The following KIF5C variants were observed in gnomAD, a reference collection of about 807,000 sequenced individuals.
KIF5C encodes the protein kinesin family member 5C, also known as kinesin heavy chain isoform 5C.
Under a neutral mutation model 125.2 loss-of-function variants are expected in KIF5C, and 18 were observed. That is an observed-to-expected ratio of 0.14 (90% confidence interval 0.10 to 0.21). The LOEUF (loss-of-function observed/expected upper bound fraction) is 0.21, where lower values mean the gene tolerates loss of function less well. Among genes scored for constraint, KIF5C ranks in the 10% least tolerant of loss-of-function variants. KIF5C has a pLI of 1.00. For synonymous variants in KIF5C, 405 were observed against 434.0 expected (o/e 0.93, Z 0.83); for missense variants, 780 against 1,183.8 (o/e 0.66, Z 5.01).
chr2:148,940,338 G>A (rs1244782138), intron 4 of KIF5C, among the ~76,000 whole-genome samples: 2 of 152,204 alleles, frequency 1.3e-5, no homozygotes, highest in Non-Finnish European at 2.9e-5. Context: ...GGACAGGGAA[G>A]TCTGACAGGT....
At chr2:148,961,246 G>A (rs1682917409) in intron 10 of KIF5C, among the ~76,000 whole-genome samples, 2 of 152,114 alleles carry the variant, frequency 1.3e-5, no homozygotes, top group Admixed American at 1.3e-4. Context: ...AAAATAGGAT[G>A]ATCTGAATAC....
intron 15 of KIF5C, among the ~76,000 whole-genome samples, chr2:148,984,320 A>T (rs1266903373): frequency 2.6e-5 from 4 of 152,162 alleles, no homozygotes; most frequent in Non-Finnish European, 4.4e-5. Context: ...CCCACCTCAG[A>T]CCTATTGAAT....
In KIF5C at chr2:148,875,581, C is replaced by CCCCCCA; in HGVS notation, c.-37_-36insCCCCCA. 3 of 803,610 alleles carry CCCCCCA rather than the reference C, an allele frequency of 3.7e-6. No individual in the cohort carries two copies. Among genetic ancestry groups the CCCCCCA allele is most frequent in the South Asian group, 1.5e-5 (1 of 67,330 alleles). 49.8% of individuals were successfully genotyped at this position (803,610 alleles called of 1,614,324 possible). The stretch of plus-strand genomic sequence containing the variant: ...CTCGTCGTTCCCGGCCCCGGCCCCC[C>CCCCCCA]ACCCATCCCCGTGCCCCCTCCCTAC... On this transcript the variant is annotated 5_prime_UTR_variant, in exon 1 of 26. Transcript: ENST00000435030.
chr2:148,969,160 T>C (rs2105141007), intron 11 of KIF5C, among the ~76,000 whole-genome samples: 1 of 152,360 alleles, frequency 6.6e-6, no homozygotes, highest in East Asian at 1.9e-4. Flanking sequence ...AAACCTATTT[T>C]AGAAATTTTA....
intron 3 of KIF5C, among the ~76,000 whole-genome samples, chr2:148,934,265 C>T (rs1682242970): frequency 1.3e-5 from 2 of 151,220 alleles, no homozygotes; most frequent in African/African-American, 2.4e-5. Context: ...TACAAACACA[C>T]CACACACCAC....
At chr2:148,905,858 G>C (rs537680454) in intron 1 of KIF5C, among the ~76,000 whole-genome samples, 8 of 152,280 alleles carry the variant, frequency 5.3e-5, no homozygotes, top group Admixed American at 4.6e-4. Context: ...AAGGTGAAAG[G>C]CATGTCTTAC....
chr2:148,925,717 A>AG (rs1228955706), intron 2 of KIF5C, among the ~76,000 whole-genome samples: 6 of 152,272 alleles, frequency 3.9e-5, no homozygotes, highest in Admixed American at 3.9e-4. Context: ...CTGTTCTGTC[A>AG]GGCCATATGG....
chr2:148,998,093 G>A, intron 18 of KIF5C: 1 of 394,370 alleles, frequency 2.5e-6, no homozygotes, highest in Non-Finnish European at 4.8e-6. Context: ...GGAGAGGTTG[G>A]TGCCCTCTGA....
intron 14 of KIF5C, among the ~76,000 whole-genome samples, chr2:148,982,584 A>G (rs1681265622): frequency 6.6e-6 from 1 of 152,248 alleles, no homozygotes; most frequent in Admixed American, 6.5e-5. Flanking sequence ...CAGCTTCCCA[A>G]GATGGGGACT....
Position 149,012,304 on chromosome 2 carries a change from C to T in KIF5C, c.*7+621C>T, listed in dbSNP as rs191342461. On this transcript the variant is annotated intron_variant, in intron 25 of 25. Coordinates refer to ENST00000435030, the MANE Select transcript of KIF5C (RefSeq NM_004522.3). ...TTTCCAAAAGAGAAGAAGCAGAGAG[C>T]GAAAACTGTCATCCTGATGGAAATG... is the stretch of plus-strand genomic sequence containing the variant. Among the ~76,000 whole-genome samples, 13 of 152,234 alleles carry T rather than the reference C, an allele frequency of 8.5e-5. No homozygotes were observed. The East Asian group carries it at 1.5e-3, about 18-fold the overall frequency.
intron 2 of KIF5C, among the ~76,000 whole-genome samples, chr2:148,928,326 A>G (rs1252715677): frequency 6.6e-6 from 1 of 152,114 alleles, no homozygotes; most frequent in Non-Finnish European, 1.5e-5. Flanking sequence ...CCCTGCCTCT[A>G]CAGCTTGTGC....
At chr2:148,941,589 G>A (rs1682406950) in intron 4 of KIF5C, 21 bp from the exon 5 acceptor site, 1 of 1,554,140 alleles carries the variant, frequency 6.4e-7, no homozygotes, top group Non-Finnish European at 8.7e-7. Context: ...TCTATTCCAA[G>A]CTCAATTTGT....
rs1293372354 is a variant in KIF5C, at chr2:148,998,454, T to A, written c.2155T>A (p.Ser719Thr). The stretch of plus-strand genomic sequence containing the variant: ...CCGGGAAGCTCACCAGAAGCAGCTG[T>A]CCAGACTCCGAGACGAAATTGAGGA... ...SHREAHQKQLSRLRDEIEEKQ... is the reference protein window; with the variant it reads ...SHREAHQKQLTRLRDEIEEKQ... Residue 719 changes from serine to threonine, a missense_variant, in exon 19 of 26, where the codon TCC (serine) becomes ACC (threonine). Coordinates refer to ENST00000435030, the MANE Select transcript of KIF5C (RefSeq NM_004522.3). 1.3e-6 allele frequency: 2 copies of A among 1,566,846 alleles called. No individual in the cohort carries two copies. Among genetic ancestry groups the A allele is most frequent in the African/African-American group, 2.7e-5 (2 of 73,840 alleles).
At chr2:149,021,402 T>TG (rs1440273319) in intron 25 of KIF5C, among the ~76,000 whole-genome samples, 1 of 151,712 alleles carries the variant, frequency 6.6e-6, no homozygotes, top group East Asian at 1.9e-4. Context: ...TGTGTTGTTC[T>TG]GTTTTTTTTT....
chr2:149,002,474 A>G (rs1161884255), intron 21 of KIF5C, among the ~76,000 whole-genome samples: 3 of 152,128 alleles, frequency 2.0e-5, no homozygotes, highest in African/African-American at 7.2e-5. Context: ...CTCCATACAC[A>G]AGTACTTACA....
In KIF5C at chr2:149,024,322, A is replaced by G. The variant is rs1309780233; in HGVS notation, c.*1252A>G. 6.6e-6 allele frequency: 1 copy of G among 152,430 alleles called. No individual in the cohort carries two copies. The highest frequency in any genetic ancestry group is 2.4e-5 in the African/African-American group (1 of 41,376). The allele number at this position is 152,430 out of a possible 1,614,324, so 9.4% of individuals were successfully genotyped here. On this transcript the variant is annotated 3_prime_UTR_variant, in exon 26 of 26. Transcript: ENST00000435030. ...TTTCAGGGAAACTGACTGTGCTGCT[A>G]TTTGTTTTGACAAATTTGGGGGTAA...
At chr2:148,889,694 T>C (rs1381418339) in intron 1 of KIF5C, among the ~76,000 whole-genome samples, 1 of 152,200 alleles carries the variant, frequency 6.6e-6, no homozygotes, top group East Asian at 1.9e-4. Flanking sequence ...TCCATCCTTC[T>C]TCTGGGAGGT....
intron 1 of KIF5C, chr2:148,878,576 G>A (rs2105031726): frequency 1.3e-5 from 2 of 152,356 alleles, no homozygotes; most frequent in Admixed American, 1.3e-4. Flanking sequence ...GAAGGGTTTG[G>A]GAGTTGGGTT....
intron 2 of KIF5C, among the ~76,000 whole-genome samples, chr2:148,923,518 CTCTT>C (rs1681874356): frequency 6.6e-6 from 1 of 152,150 alleles, no homozygotes; most frequent in South Asian, 2.1e-4. Context: ...TCTTCTGCTT[CTCTT>C]TCTATCTAAA....
Sources: allele counts gnomAD v4.1 joint callset (sites outside exome capture counted in the v4.1 genomes callset), GRCh38; gene constraint gnomAD v4.1.1; transcripts MANE v1.5; gene names NCBI Gene and HGNC (gene_info 2026-07-23, HGNC 2026-07-21).